Variants in IMMP2L observed in about 807,000 individuals in gnomAD.
IMMP2L encodes the protein inner mitochondrial membrane peptidase subunit 2, also known as mitochondrial inner membrane protease subunit 2.
A neutral mutation model predicts 19.3 loss-of-function variants in IMMP2L; 18 were observed. That is an observed-to-expected ratio of 0.93 (90% CI 0.64 to 1.38). The LOEUF is 1.38. Among genes scored for constraint, IMMP2L ranks in the 40% most tolerant of loss-of-function variants. IMMP2L has a pLI of 0.00. For synonymous variants in IMMP2L, 76 were observed against 73.0 expected (o/e 1.04, Z -0.21); for missense variants, 233 against 218.2 (o/e 1.07, Z -0.43).
At chr7:111,253,328 A>T (rs2129632657) in intron 3 of IMMP2L, among the ~76,000 whole-genome samples, 1 of 152,276 alleles carries the variant, frequency 6.6e-6, no homozygotes, top group African/African-American at 2.4e-5. Context: ...CAGCAGAGCA[A>T]AAGACAGTAG....
chr7:111,178,423 G>A (rs1430673635), intron 3 of IMMP2L, among the ~76,000 whole-genome samples: 1 of 151,996 alleles, frequency 6.6e-6, no homozygotes, highest in Non-Finnish European at 1.5e-5. Flanking sequence ...GCTGAAGGTT[G>A]GGGTAGCTGT....
chr7:110,970,032 G>A (rs1819972992), intron 3 of IMMP2L, among the ~76,000 whole-genome samples: 1 of 152,126 alleles, frequency 6.6e-6, no homozygotes, highest in African/African-American at 2.4e-5. Context: ...AAATGTTGGA[G>A]TTATTTCACT....
Position 110,893,895 on chromosome 7 carries a change from C to T in IMMP2L, c.306-7200G>A, listed in dbSNP as rs530715425. On this transcript the variant is annotated intron_variant, in intron 4 of 5. Coordinates refer to ENST00000405709, the MANE Select transcript of IMMP2L (RefSeq NM_032549.4). ...TTTTTCTTTTCCCCCACCTCCTACT[C>T]GGTTCTTAATGAAGGCAAATGTAGC... Among the ~76,000 whole-genome samples the T allele has an allele frequency of 7.0e-4, 107 of 152,170 alleles. 1 individual carries two copies. Among genetic ancestry groups the T allele is most frequent in the Middle Eastern group, 3.4e-3 (1 of 294 alleles).
chr7:111,256,945 A>G (rs1213803888), intron 3 of IMMP2L, among the ~76,000 whole-genome samples: 1 of 152,072 alleles, frequency 6.6e-6, no homozygotes, highest in Non-Finnish European at 1.5e-5. Context: ...AAAGATGATG[A>G]GTCCATCATT....
At chr7:111,418,492 AC>A (rs1293267487) in intron 3 of IMMP2L, among the ~76,000 whole-genome samples, 1 of 151,668 alleles carries the variant, frequency 6.6e-6, no homozygotes, top group Non-Finnish European at 1.5e-5. Flanking sequence ...CTCACTCTGG[AC>A]CTAATCTGAT....
At chr7:110,976,005 A>G (rs1251627130) in intron 3 of IMMP2L, among the ~76,000 whole-genome samples, 2 of 152,076 alleles carry the variant, frequency 1.3e-5, no homozygotes, top group Non-Finnish European at 2.9e-5. Flanking sequence ...AGTAGAACTG[A>G]TAGCAATGAT....
At chr7:111,433,237 C>T (rs548483783) in intron 3 of IMMP2L, among the ~76,000 whole-genome samples, 3 of 151,714 alleles carry the variant, frequency 2.0e-5, no homozygotes, top group African/African-American at 7.3e-5. Context: ...CTCACTATCA[C>T]GAGAACAGCA....
intron 5 of IMMP2L, among the ~76,000 whole-genome samples, chr7:110,666,265 T>C (rs1018029875): frequency 4.7e-5 from 6 of 127,068 alleles, no homozygotes; most frequent in Admixed American, 2.1e-4. Context: ...CCTTGGTTTC[T>C]TGTTTGTTTG....
intron 5 of IMMP2L, among the ~76,000 whole-genome samples, chr7:110,839,250 A>T (rs1455970557): frequency 6.6e-6 from 1 of 152,140 alleles, no homozygotes; most frequent in Non-Finnish European, 1.5e-5. Context: ...CCAAATATGT[A>T]TTAGTTATGA....
intron 3 of IMMP2L, among the ~76,000 whole-genome samples, chr7:111,158,128 TTATTA>T: frequency 6.6e-6 from 1 of 151,908 alleles, no homozygotes; most frequent in Non-Finnish European, 1.5e-5. Context: ...AAATAATACT[TTATTA>T]TATTTTTATT....
At chr7:111,114,014 C>A (rs1310752234) in intron 3 of IMMP2L, among the ~76,000 whole-genome samples, 2 of 152,058 alleles carry the variant, frequency 1.3e-5, no homozygotes, top group Non-Finnish European at 2.9e-5. Flanking sequence ...CTCTAAATAT[C>A]TATTGATAGA....
intron 3 of IMMP2L, among the ~76,000 whole-genome samples, chr7:111,167,788 A>G (rs534605478): frequency 4.6e-5 from 7 of 152,080 alleles, no homozygotes; most frequent in African/African-American, 1.7e-4. Context: ...ATCCTCAGTA[A>G]AATAATGTTG....
At chr7:110,831,623 G>T (rs1244087130) in intron 5 of IMMP2L, among the ~76,000 whole-genome samples, 1 of 152,134 alleles carries the variant, frequency 6.6e-6, no homozygotes. Context: ...AACCGAAATG[G>T]AAACTTATCA....
intron 3 of IMMP2L, among the ~76,000 whole-genome samples, chr7:111,203,909 G>T (rs1810427415): frequency 6.6e-6 from 1 of 151,974 alleles, no homozygotes; most frequent in South Asian, 2.1e-4. Flanking sequence ...GGTTACCCTT[G>T]TAAGAATTTT....
intron 3 of IMMP2L, among the ~76,000 whole-genome samples, chr7:111,425,213 AG>A (rs1430163224): frequency 6.6e-6 from 1 of 151,736 alleles, no homozygotes; most frequent in Non-Finnish European, 1.5e-5. Flanking sequence ...TCTATAGTAA[AG>A]GGGGAAAAGT....
intron 3 of IMMP2L, among the ~76,000 whole-genome samples, chr7:111,356,628 A>C (rs376444085): frequency 6.6e-6 from 1 of 152,190 alleles, no homozygotes; most frequent in Admixed American, 6.6e-5. Flanking sequence ...ATTCTCATAT[A>C]AACAATGCTA....
intron 3 of IMMP2L, among the ~76,000 whole-genome samples, chr7:110,996,564 C>A (rs1029181972): frequency 6.6e-6 from 1 of 152,096 alleles, no homozygotes; most frequent in Non-Finnish European, 1.5e-5. Context: ...CTTGTGATCA[C>A]TGACTCAGGG....
chr7:110,761,866 A>G (rs1211432900), intron 5 of IMMP2L, among the ~76,000 whole-genome samples: 14 of 152,180 alleles, frequency 9.2e-5, no homozygotes, highest in Admixed American at 9.2e-4. Context: ...TAGTGTCATC[A>G]TGACAATTGT....
chr7:110,721,114 T>C (rs1238156939), intron 5 of IMMP2L, among the ~76,000 whole-genome samples: 1 of 151,308 alleles, frequency 6.6e-6, no homozygotes, highest in East Asian at 2.0e-4. Flanking sequence ...CCTACACCCA[T>C]CCTACATCTA....
Sources: allele counts gnomAD v4.1 joint callset (sites outside exome capture counted in the v4.1 genomes callset), GRCh38; gene constraint gnomAD v4.1.1; transcripts MANE v1.5; gene names NCBI Gene and HGNC (gene_info 2026-07-23, HGNC 2026-07-21).